The following ARID5B variants were observed in gnomAD, a reference collection of about 807,000 sequenced individuals.
The protein encoded by ARID5B is AT-rich interaction domain 5B.
ARID5B carries 13 observed loss-of-function variants against 97.2 expected under a neutral mutation model. The observed-to-expected ratio is 0.13, with a 90% CI of 0.09 to 0.21. The LOEUF (loss-of-function observed/expected upper bound fraction) is 0.21, where lower values mean the gene tolerates loss of function less well. Among genes scored for constraint, ARID5B ranks in the 10% least tolerant of loss-of-function variants. The pLI, the probability that ARID5B is intolerant of heterozygous loss-of-function variation, is 1.00. For synonymous variants in ARID5B, 556 were observed against 570.3 expected, an observed-to-expected ratio of 0.97 and a Z score of 0.36; for missense variants, 1,210 against 1,465.3, an observed-to-expected ratio of 0.83 and a Z score of 2.84.
At chr10:61,906,783 T>C (rs111773980) in intron 2 of ARID5B, among the ~76,000 whole-genome samples, 194 of 152,340 alleles carry the variant, frequency 1.3e-3, no homozygotes, top group African/African-American at 4.4e-3. Context: ...GAGTCTGAAT[T>C]TTAAATATTT....
chr10:61,910,692 G>A (rs1843786984), intron 2 of ARID5B, among the ~76,000 whole-genome samples: 1 of 152,220 alleles, frequency 6.6e-6, no homozygotes, highest in African/African-American at 2.4e-5. Context: ...GATGATTATT[G>A]AAAGGGTGCT....
chr10:62,079,560 C>G (rs1012722656), intron 8 of ARID5B, among the ~76,000 whole-genome samples: 1 of 152,188 alleles, frequency 6.6e-6, no homozygotes, highest in Non-Finnish European at 1.5e-5. Context: ...CCCCTGAAAT[C>G]CATGTAACTC....
chr10:61,944,577 T>C (rs1479232277), intron 3 of ARID5B, among the ~76,000 whole-genome samples: 1 of 152,246 alleles, frequency 6.6e-6, no homozygotes, highest in African/African-American at 2.4e-5. Flanking sequence ...AAGCGAAGTA[T>C]GAAAGCTGCA....
Position 62,089,321 on chromosome 10 carries a change from G to GT in ARID5B, c.1399-1531dup, listed in dbSNP as rs1046484783. Reference sequence around the variant, plus strand: ...GTATAACATGTCCCTAAAATTCAGGGTTTTTTTTTTAAAGGGATTTAAGGA... The same window carrying GT: ...GTATAACATGTCCCTAAAATTCAGGGTTTTTTTTTTTAAAGGGATTTAAGGA... On this transcript the variant is annotated intron_variant, in intron 9 of 9. Coordinates refer to ENST00000279873, the MANE Select transcript of ARID5B (RefSeq NM_032199.3). 4.7e-3 allele frequency among the ~76,000 whole-genome samples: 699 copies of GT among 147,916 alleles called. 5 individuals carry two copies. The highest frequency in any genetic ancestry group is 0.015 in the African/African-American group (590 of 40,302).
chr10:62,073,736 GC>G (rs1444674030), intron 8 of ARID5B, among the ~76,000 whole-genome samples: 1 of 152,116 alleles, frequency 6.6e-6, no homozygotes, highest in African/African-American at 2.4e-5. Context: ...TTTTCCCATC[GC>G]AAGGCTGTTG....
Position 62,093,059 on chromosome 10 carries a change from GCATGGCCAA to G in ARID5B, c.*32_*40del, listed in dbSNP as rs1564651728. On this transcript the variant is annotated 3_prime_UTR_variant, in exon 10 of 10. Coordinates refer to ENST00000279873, the MANE Select transcript of ARID5B (RefSeq NM_032199.3). The stretch of plus-strand genomic sequence containing the variant: ...CAGCTCTGCCCAGCAGTCCAAAGCG[GCATGGCCAA>G]CAGAGCTTCACTCCTTACCCAGGAG... 1 of 1,574,690 alleles carries G rather than the reference GCATGGCCAA, an allele frequency of 6.4e-7. No individual in the cohort carries two copies. Among genetic ancestry groups the G allele is most frequent in the Non-Finnish European group, 8.6e-7 (1 of 1,166,264 alleles).
At chr10:62,072,778 A>G (rs1840081563) in intron 8 of ARID5B, among the ~76,000 whole-genome samples, 1 of 152,250 alleles carries the variant, frequency 6.6e-6, no homozygotes, top group Non-Finnish European at 1.5e-5. Context: ...TCAATCAATC[A>G]TTCTCCAAGA....
intron 3 of ARID5B, among the ~76,000 whole-genome samples, chr10:61,952,022 T>C (rs1350440939): frequency 3.9e-5 from 6 of 152,338 alleles, no homozygotes; most frequent in Middle Eastern, 6.8e-3. Context: ...CACATAGCCA[T>C]GACTATTTCT....
chr10:61,925,631 T>C (rs1184492215), intron 2 of ARID5B, among the ~76,000 whole-genome samples: 1 of 152,232 alleles, frequency 6.6e-6, no homozygotes, highest in East Asian at 1.9e-4. Context: ...TTGTCTTTTA[T>C]TTTAGGGAGG....
At position 62,094,786 on chromosome 10, in the gene ARID5B, CACT is replaced by C. The variant is rs1337458486; in HGVS notation, c.*1759_*1761del. ...CCAACCCACTGTGCCCCTCCCGCAA[CACT>C]ACCAGTAGACTTTAGAACCATAGTT... On this transcript the variant is annotated 3_prime_UTR_variant, in exon 10 of 10. Transcript: ENST00000279873. 8.6e-6 allele frequency: 2 copies of C among 231,852 alleles called. No homozygotes were observed. Among genetic ancestry groups the C allele is most frequent in the East Asian group, 1.2e-4 (2 of 16,414 alleles). The allele number at this position is 231,852 out of a possible 1,614,324, so 14.4% of individuals were successfully genotyped here.
intron 3 of ARID5B, among the ~76,000 whole-genome samples, chr10:61,944,855 A>G (rs953512086): frequency 2.0e-5 from 3 of 152,228 alleles, no homozygotes; most frequent in African/African-American, 7.2e-5. Flanking sequence ...TGTCTTTAGA[A>G]AAAGAAAGAA....
At chr10:62,074,150 T>C (rs1387391285) in intron 8 of ARID5B, among the ~76,000 whole-genome samples, 1 of 152,248 alleles carries the variant, frequency 6.6e-6, no homozygotes, top group African/African-American at 2.4e-5. Context: ...ACATGGTCTG[T>C]TTCTGTGGAG....
intron 8 of ARID5B, among the ~76,000 whole-genome samples, chr10:62,073,895 TTGTC>T (rs1218269301): frequency 6.6e-6 from 1 of 152,252 alleles, no homozygotes; most frequent in African/African-American, 2.4e-5. Context: ...ATTTTCTTTC[TTGTC>T]TAACTCTTTA....
chr10:62,084,469 C>T (rs61850791), intron 8 of ARID5B, among the ~76,000 whole-genome samples: 4,090 of 152,302 alleles, frequency 0.027, 79 homozygotes, highest in Non-Finnish European at 0.044. Context: ...AATATTTGAA[C>T]AGACTTATGA....
intron 4 of ARID5B, among the ~76,000 whole-genome samples, chr10:62,030,979 TAATCC>T (rs1196453643): frequency 1.3e-5 from 2 of 152,172 alleles, no homozygotes; most frequent in Admixed American, 6.5e-5. Flanking sequence ...CTCACACCTG[TAATCC>T]CAGCACTTTG....
intron 4 of ARID5B, among the ~76,000 whole-genome samples, chr10:62,005,871 G>A (rs572158764): frequency 2.0e-5 from 3 of 152,074 alleles, no homozygotes; most frequent in South Asian, 4.1e-4. Context: ...TTTTTTCCTT[G>A]CCGAAGTAGG....
chr10:61,960,130 G>A (rs1838449025), intron 3 of ARID5B, among the ~76,000 whole-genome samples: 1 of 152,046 alleles, frequency 6.6e-6, no homozygotes, highest in South Asian at 2.1e-4. Flanking sequence ...TGTGTAGGAA[G>A]GAAGGGCATG....
chr10:62,049,674 G>A (rs1277730279), intron 4 of ARID5B, among the ~76,000 whole-genome samples: 1 of 152,154 alleles, frequency 6.6e-6, no homozygotes, highest in South Asian at 2.1e-4. Context: ...TTTAAAGGCA[G>A]TTCTGCTTTA....
rs2132827740 is a variant in ARID5B, at chr10:61,966,234, A to G, written c.502+25826A>G. 2.0e-5 allele frequency among the ~76,000 whole-genome samples: 3 copies of G among 152,280 alleles called. No homozygotes were observed. In the South Asian group the frequency reaches 6.2e-4, roughly 32 times the overall value. ...GGAACAGGAAACCATTTCATCCTAA[A>G]TATATGCATGATTTTAAGATATATA... On this transcript the variant is annotated intron_variant, in intron 3 of 9. Coordinates refer to ENST00000279873, the MANE Select transcript of ARID5B (RefSeq NM_032199.3).
Sources: allele counts gnomAD v4.1 joint callset (sites outside exome capture counted in the v4.1 genomes callset), GRCh38; gene constraint gnomAD v4.1.1; transcripts MANE v1.5; gene names NCBI Gene and HGNC (gene_info 2026-07-23, HGNC 2026-07-21).